Variants in CASP6 observed in about 807,000 individuals in gnomAD.
CASP6 encodes the protein caspase-6.
CASP6 carries 20 observed loss-of-function variants against 31.8 expected under a neutral mutation model. The observed-to-expected ratio is 0.63, with a 90% confidence interval of 0.44 to 0.91. The LOEUF (loss-of-function observed/expected upper bound fraction) is 0.91, where lower values mean the gene tolerates loss of function less well. CASP6 is among the 40% of genes least tolerant of loss of function. The pLI is 0.00. For missense variants in CASP6, 328 were observed against 361.1 expected (o/e 0.91, Z 0.74); for synonymous variants, 130 against 127.8 (o/e 1.02, Z -0.12).
the CASP6 span, among the ~76,000 whole-genome samples, chr4:109,665,229 CTTG>C: frequency 6.6e-6 from 1 of 152,118 alleles, no homozygotes; most frequent in Admixed American, 6.5e-5. Context: ...AAATAATCAT[CTTG>C]TTTTTATTAA....
chr4:109,695,006 T>C (rs1730193071), intron 4 of CASP6, among the ~76,000 whole-genome samples: 1 of 152,098 alleles, frequency 6.6e-6, no homozygotes, highest in Non-Finnish European at 1.5e-5. Flanking sequence ...AATTTTTGTA[T>C]TTTTAGTAGA....
At chr4:109,684,715 G>A (rs1467586661), downstream of CASP6, 3 of 743,466 alleles carry the variant, frequency 4.0e-6, no homozygotes, top group Non-Finnish European at 6.8e-6. Flanking sequence ...TAAGCAATGA[G>A]CAAAAAAGCC....
upstream of CASP6, among the ~76,000 whole-genome samples, chr4:109,705,507 C>CTA (rs1171303514): frequency 6.6e-6 from 1 of 152,092 alleles, no homozygotes; most frequent in African/African-American, 2.4e-5. Context: ...TTTCATAAGG[C>CTA]TATAGCTGTC....
downstream of CASP6, chr4:109,685,384 T>A (rs368558241): frequency 5.6e-6 from 6 of 1,064,800 alleles, no homozygotes; most frequent in Non-Finnish European, 8.8e-6. Context: ...TACAAATACA[T>A]CTTATAGCTG....
intron 5 of CASP6, 89 bp downstream of exon 5, chr4:109,694,434 GAA>G (rs1369987586): frequency 2.5e-6 from 3 of 1,208,308 alleles, no homozygotes; most frequent in Non-Finnish European, 3.4e-6. Flanking sequence ...AATTACTGGA[GAA>G]AGTTACTTTC....
At chr4:109,698,693 T>C (rs1417160127) in intron 1 of CASP6, among the ~76,000 whole-genome samples, 1 of 151,770 alleles carries the variant, frequency 6.6e-6, no homozygotes, top group Non-Finnish European at 1.5e-5. Flanking sequence ...GAAAATGTTT[T>C]TGCACATTTT....
intron 5 of CASP6, 99 bp from the exon 6 acceptor site, chr4:109,691,108 A>G: frequency 7.9e-7 from 1 of 1,258,970 alleles, no homozygotes; most frequent in Non-Finnish European, 1.1e-6. Context: ...CCTTCATTAC[A>G]ACAGAAACCA....
At chr4:109,666,285 C>T in the CASP6 span, among the ~76,000 whole-genome samples, 10 of 152,094 alleles carry the variant, frequency 6.6e-5, no homozygotes, top group Admixed American at 2.6e-4. Context: ...TTTGTTTGCA[C>T]GTAGATTTTC....
At chr4:109,672,516 A>T in the CASP6 span, among the ~76,000 whole-genome samples, 1 of 152,190 alleles carries the variant, frequency 6.6e-6, no homozygotes, top group Non-Finnish European at 1.5e-5. Flanking sequence ...ATAGACTGTT[A>T]AGGGTAGGAG....
chr4:109,687,492 G>A, downstream of CASP6: 1 of 1,562,416 alleles, frequency 6.4e-7, no homozygotes, highest in South Asian at 1.1e-5. Context: ...CTGATCACAT[G>A]CTTTTTCTTT....
Position 109,703,387 on chromosome 4 carries a change from C to G in CASP6, c.9G>C (p.Ser3=), listed in dbSNP as rs1730492615. The change falls in exon 1 of 7, where the codon TCG becomes TCC. Residue 3 remains serine (S), a synonymous_variant. Transcript: ENST00000265164. The part of the protein sequence containing the change: MS[S]ASGLRRGHPA... ...GGTGCCCCCTGCGGAGCCCCGAGGCCGAGCTCATTGCAGCCAAACGCGCAG... is the reference window on the plus strand; with the variant it reads ...GGTGCCCCCTGCGGAGCCCCGAGGCGGAGCTCATTGCAGCCAAACGCGCAG... The G allele has an allele frequency of 1.9e-6, 3 of 1,611,908 alleles. No individual in the cohort carries two copies. The highest frequency in any genetic ancestry group is 2.5e-6 in the Non-Finnish European group (3 of 1,179,296).
chr4:109,671,866 TA>T, the CASP6 span, among the ~76,000 whole-genome samples: 3 of 152,158 alleles, frequency 2.0e-5, no homozygotes, highest in Admixed American at 1.3e-4. Context: ...TGTGAGGTTT[TA>T]TGTGGCTAGG....
At chr4:109,706,549 G>A (rs10016907), upstream of CASP6, among the ~76,000 whole-genome samples, 12,083 of 152,104 alleles carry the variant, frequency 0.079, 555 homozygotes, top group African/African-American at 0.13. Context: ...GGGTTTGGGG[G>A]GATTGACCCC....
At chr4:109,677,218 C>G in the CASP6 span, among the ~76,000 whole-genome samples, 1 of 152,188 alleles carries the variant, frequency 6.6e-6, no homozygotes, top group African/African-American at 2.4e-5. Context: ...CCTATTTCTC[C>G]CTTTTGCAGT....
upstream of CASP6, among the ~76,000 whole-genome samples, chr4:109,705,998 AAAAATATATATATATATATATATAT>A (rs1221598483): frequency 0.026 from 1,412 of 54,728 alleles, 58 homozygotes; most frequent in Non-Finnish European, 0.034. Context: ...AAAAAAAAAA[AAAAATATATATATATATATATATAT>A]ATATATATAA....
At chr4:109,668,634 C>A in the CASP6 span, among the ~76,000 whole-genome samples, 1 of 151,558 alleles carries the variant, frequency 6.6e-6, no homozygotes, top group Non-Finnish European at 1.5e-5. Flanking sequence ...CATTGACATT[C>A]AAATTGATTA....
the CASP6 span, among the ~76,000 whole-genome samples, chr4:109,672,406 A>C: frequency 6.6e-6 from 1 of 152,180 alleles, no homozygotes; most frequent in African/African-American, 2.4e-5. Context: ...TTTTCCTTCA[A>C]TGCTAGTTTA....
At chr4:109,688,541 A>ATTC (rs1288640972), downstream of CASP6, 1 of 152,252 alleles carries the variant, frequency 6.6e-6, no homozygotes. Context: ...TGTAGATGAA[A>ATTC]TATTAAACAT....
intron 4 of CASP6, among the ~76,000 whole-genome samples, chr4:109,695,657 CT>C (rs1730215740): frequency 6.6e-6 from 1 of 150,734 alleles, no homozygotes; most frequent in Non-Finnish European, 1.5e-5. Context: ...AGGAGAATTG[CT>C]TGAACCCAGG....
Sources: gnomAD v4.1 joint callset for allele counts (sites outside exome capture counted in the v4.1 genomes callset) on GRCh38, gnomAD v4.1.1 for gene constraint, MANE v1.5 for transcripts, NCBI Gene and HGNC (gene_info 2026-07-23, HGNC 2026-07-21) for gene names.